RPS6KA2: variants seen among roughly 807,000 people sequenced by gnomAD.
RPS6KA2 encodes ribosomal protein S6 kinase A2, also known as ribosomal protein S6 kinase alpha-2.
Under a neutral mutation model 91.8 loss-of-function variants are expected in RPS6KA2, and 42 were observed. That is an observed-to-expected ratio of 0.46 (90% CI 0.36 to 0.59). RPS6KA2 has a LOEUF of 0.59. Ranked by LOEUF, RPS6KA2 falls within the 20% of genes least tolerant of loss-of-function variation. The probability of loss-of-function intolerance (pLI) is 0.00; values close to 1 mark genes in which losing one functional copy is unlikely to be tolerated. For synonymous variants in RPS6KA2, 414 were observed against 393.6 expected, an observed-to-expected ratio of 1.05 and a Z score of -0.61; for missense variants, 798 against 978.5, an observed-to-expected ratio of 0.82 and a Z score of 2.46.
chr6:166,828,038 C>G (rs1226739318), intron 2 of RPS6KA2, among the ~76,000 whole-genome samples: 1 of 152,212 alleles, frequency 6.6e-6, no homozygotes, highest in East Asian at 1.9e-4. Flanking sequence ...AGGTACCTGA[C>G]AGAATTTGCT....
intron 10 of RPS6KA2, among the ~76,000 whole-genome samples, chr6:166,487,613 AT>A (rs1312254465): frequency 1.3e-5 from 2 of 152,228 alleles, no homozygotes; most frequent in Admixed American, 6.5e-5. Flanking sequence ...AAGAATTACT[AT>A]GAAGATGAAT....
chr6:166,660,419 T>A (rs1433578676), intron 2 of RPS6KA2, among the ~76,000 whole-genome samples: 22 of 151,166 alleles, frequency 1.5e-4, no homozygotes, highest in African/African-American at 2.7e-4. Flanking sequence ...TGTGTGTGTG[T>A]GTGAGAGAGA....
chr6:166,544,664 C>G (rs1210685592), intron 1 of RPS6KA2: 3 of 152,224 alleles, frequency 2.0e-5, no homozygotes, highest in Non-Finnish European at 2.9e-5. Flanking sequence ...AAAGCTGCTT[C>G]CATTCCAACC....
chr6:166,595,074 CAG>C (rs1236724183), intron 1 of RPS6KA2, among the ~76,000 whole-genome samples: 7 of 150,282 alleles, frequency 4.7e-5, no homozygotes, highest in Non-Finnish European at 1.0e-4. Context: ...TTTTTTGAGA[CAG>C]AGTCTCATTC....
chr6:166,423,214 T>G lies in RPS6KA2; in HGVS notation c.1743+42A>C, dbSNP rs770716656. The G allele has an allele frequency of 1.9e-6, 3 of 1,572,636 alleles. No homozygotes were observed. The South Asian group carries it at 3.5e-5, about 18-fold the overall frequency. The stretch of plus-strand genomic sequence containing the variant: ...AGTGGGAGGGGGCAGAGCCTGTCTT[T>G]GCGGATAGAGAGGCCTGGGTCTGCA... On this transcript the variant is annotated intron_variant, in intron 17 of 20. Coordinates refer to ENST00000265678, the MANE Select transcript of RPS6KA2 (RefSeq NM_021135.6). This position sits in a 1 kb window ranked among gnomAD's most constrained non-coding sequence, Gnocchi z 4.8.
At chr6:166,708,874 T>TA (rs1276128407) in intron 2 of RPS6KA2, among the ~76,000 whole-genome samples, 1 of 152,240 alleles carries the variant, frequency 6.6e-6, no homozygotes, top group Non-Finnish European at 1.5e-5. Context: ...CAATACATGA[T>TA]AAAATAAATG....
chr6:166,842,852 T>C (rs1384253389), intron 2 of RPS6KA2, among the ~76,000 whole-genome samples: 1 of 152,186 alleles, frequency 6.6e-6, no homozygotes, highest in Non-Finnish European at 1.5e-5. Flanking sequence ...TGAACTTTTG[T>C]TCCAAGAACT....
At chr6:166,740,877 C>T (rs951906824) in intron 2 of RPS6KA2, among the ~76,000 whole-genome samples, 16 of 152,256 alleles carry the variant, frequency 1.1e-4, no homozygotes, top group Non-Finnish European at 2.4e-4. Context: ...ATTGCGTGGG[C>T]AAAACGTTTG....
At chr6:166,754,582 G>A (rs577621978) in intron 2 of RPS6KA2, among the ~76,000 whole-genome samples, 123 of 152,284 alleles carry the variant, frequency 8.1e-4, no homozygotes, top group Non-Finnish European at 9.9e-4. Context: ...AGTCCATAAA[G>A]GAGGTGGTGG....
At chr6:166,796,589 G>T (rs1300421784) in intron 2 of RPS6KA2, among the ~76,000 whole-genome samples, 3 of 151,674 alleles carry the variant, frequency 2.0e-5, no homozygotes, top group Non-Finnish European at 2.9e-5. Flanking sequence ...GTCTTAAAAA[G>T]AAAAACAACA....
chr6:166,862,259 C>T (rs1378027698), exon 1 of RPS6KA2: 4 of 1,600,034 alleles, frequency 2.5e-6, no homozygotes, highest in East Asian at 2.2e-5. Context: ...GACGGCCAGA[C>T]GGGATGTCGG....
chr6:166,435,959 C>A lies in RPS6KA2; in HGVS notation c.1333-3469G>T, dbSNP rs1779285825. ...TCCCTGTCCACTCCCTGTGGGGTTG[C>A]AGGAGCTCCCTGGGCCTCTCTACAC... On this transcript the variant is annotated intron_variant, in intron 14 of 20. Transcript: ENST00000265678. This position sits in a 1 kb window ranked among gnomAD's most constrained non-coding sequence, Gnocchi z 4.3. Among the ~76,000 whole-genome samples the A allele has an allele frequency of 6.6e-6, 1 of 152,212 alleles. No homozygotes were observed. The highest frequency in any genetic ancestry group is 2.4e-5 in the African/African-American group (1 of 41,460).
intron 2 of RPS6KA2, among the ~76,000 whole-genome samples, chr6:166,789,065 C>A (rs922107763): frequency 2.6e-5 from 4 of 152,172 alleles, no homozygotes; most frequent in Non-Finnish European, 5.9e-5. Context: ...CGAGGCATTA[C>A]CTCACTCGGG....
At chr6:166,784,737 CTATA>C (rs1778885740) in intron 2 of RPS6KA2, among the ~76,000 whole-genome samples, 2 of 57,372 alleles carry the variant, frequency 3.5e-5, no homozygotes, top group South Asian at 1.4e-3. Context: ...GCACACCTAT[CTATA>C]ACCACATATA....
chr6:166,692,610 A>G (rs1033649124), intron 2 of RPS6KA2, among the ~76,000 whole-genome samples: 1 of 152,260 alleles, frequency 6.6e-6, no homozygotes, highest in African/African-American at 2.4e-5. Context: ...TCTAAGCTGC[A>G]TATTAAGTAA....
In RPS6KA2 at chr6:166,469,924, T is replaced by C. The variant is rs773092650; in HGVS notation, c.908-19A>G. 2 of 1,608,894 alleles carry C rather than the reference T, an allele frequency of 1.2e-6. No homozygotes were observed. The highest frequency in any genetic ancestry group is 1.7e-6 in the Non-Finnish European group (2 of 1,175,196). ...CCAGCACCTGTCAACAACACAGAAATGATCATCAGAACAAATCCAAGATGG... is the reference window on the plus strand; with the variant it reads ...CCAGCACCTGTCAACAACACAGAAACGATCATCAGAACAAATCCAAGATGG... On this transcript the variant is annotated intron_variant, in intron 10 of 20. Coordinates refer to ENST00000265678, the MANE Select transcript of RPS6KA2 (RefSeq NM_021135.6).
rs1457457492 is a variant in RPS6KA2, at chr6:166,419,842, C to G, written c.1820+40G>C. Reference sequence around the variant, plus strand: ...CAGATCAGCCACTGAGGCTGCTGCCCTGTGTCTCCTCCTGACACCTGTTTG... The same window carrying G: ...CAGATCAGCCACTGAGGCTGCTGCCGTGTGTCTCCTCCTGACACCTGTTTG... On this transcript the variant is annotated intron_variant, in intron 18 of 20. Coordinates refer to ENST00000265678, the MANE Select transcript of RPS6KA2 (RefSeq NM_021135.6). This position sits in a 1 kb window ranked among gnomAD's most constrained non-coding sequence, Gnocchi z 5.6. 1 of 1,575,190 alleles carries G rather than the reference C, an allele frequency of 6.3e-7. No individual in the cohort carries two copies. The highest frequency in any genetic ancestry group is 8.7e-7 in the Non-Finnish European group (1 of 1,145,270).
At chr6:166,611,547 T>C (rs966279053) in intron 1 of RPS6KA2, among the ~76,000 whole-genome samples, 1 of 152,228 alleles carries the variant, frequency 6.6e-6, no homozygotes, top group Admixed American at 6.5e-5. Context: ...ATAAAATATG[T>C]GTGTCACAAC....
At position 166,648,181 on chromosome 6, in the gene RPS6KA2, CAT is replaced by C. The variant is rs1212547684; in HGVS notation, c.124-109399_124-109398del. 3.2e-5 allele frequency among the ~76,000 whole-genome samples: 4 copies of C among 126,392 alleles called. No homozygotes were observed. Among genetic ancestry groups the C allele is most frequent in the African/African-American group, 8.8e-5 (3 of 34,090 alleles). The allele number at this position is 126,392 out of a possible 152,430, so 82.9% of individuals were successfully genotyped here. A position where few individuals can be genotyped will look rare whatever the true frequency, so the allele number is the denominator to read the frequency against. ...ACACCCATGCACACATGCTCACACA[CAT>C]GCACACATGCTCATACACACACTCA... On this transcript the variant is annotated intron_variant, in intron 2 of 21. Coordinates refer to the RPS6KA2 transcript ENST00000503859. The surrounding 1 kb of genome is among the most constrained non-coding windows in gnomAD (Gnocchi z 4.8).
Sources: gnomAD v4.1 joint callset for allele counts (sites outside exome capture counted in the v4.1 genomes callset) on GRCh38, gnomAD v4.1.1 for gene constraint, Gnocchi (gnomAD v3.1) non-coding constraint, MANE v1.5 for transcripts, NCBI Gene and HGNC (gene_info 2026-07-23, HGNC 2026-07-21) for gene names.